QRICH1: variants seen among roughly 807,000 people sequenced by gnomAD.
QRICH1 encodes the protein transcriptional regulator QRICH1.
A neutral mutation model predicts 87.1 loss-of-function variants in QRICH1; 16 were observed. That is an observed-to-expected ratio of 0.18 (90% CI 0.12 to 0.28). QRICH1 has a LOEUF of 0.28. Ranked by LOEUF, QRICH1 falls within the 10% of genes least tolerant of loss-of-function variation. The pLI, the probability that QRICH1 is intolerant of heterozygous loss-of-function variation, is 1.00. For synonymous variants in QRICH1, 367 were observed against 368.4 expected, an observed-to-expected ratio of 1.00 and a Z score of 0.05; for missense variants, 647 against 951.7, an observed-to-expected ratio of 0.68 and a Z score of 4.21.
intron 1 of QRICH1, among the ~76,000 whole-genome samples, chr3:49,084,868 G>T (rs887408801): frequency 1.3e-5 from 2 of 152,216 alleles, no homozygotes; most frequent in Non-Finnish European, 2.9e-5. Flanking sequence ...TCCACAAGTG[G>T]TATTAATCTA....
intron 2 of QRICH1, among the ~76,000 whole-genome samples, chr3:49,061,034 A>G (rs2093431607): frequency 6.8e-6 from 1 of 148,112 alleles, no homozygotes; most frequent in African/African-American, 2.5e-5. Flanking sequence ...ATTACCTGAG[A>G]GGCTGAGGCA....
intron 9 of QRICH1, among the ~76,000 whole-genome samples, chr3:49,030,989 C>T (rs988634226): frequency 2.7e-5 from 4 of 147,180 alleles, no homozygotes; most frequent in Admixed American, 6.7e-5. Flanking sequence ...CAAGTCTTTG[C>T]GCTTTTTTTT....
chr3:49,069,586 GATCCTTCC>G (rs2093489381), intron 2 of QRICH1, among the ~76,000 whole-genome samples: 1 of 134,360 alleles, frequency 7.4e-6, no homozygotes, highest in East Asian at 2.3e-4. Flanking sequence ...ATTCTCAAGC[GATCCTTCC>G]ACCTCAGCCT....
At chr3:49,084,187 C>A (rs1247806364) in intron 1 of QRICH1, among the ~76,000 whole-genome samples, 1 of 152,108 alleles carries the variant, frequency 6.6e-6, no homozygotes, top group Non-Finnish European at 1.5e-5. Context: ...CTCAGGTAAT[C>A]CACTCGCTTC....
At chr3:49,082,914 A>G (rs2042091055) in intron 1 of QRICH1, among the ~76,000 whole-genome samples, 1 of 149,888 alleles carries the variant, frequency 6.7e-6, no homozygotes, top group African/African-American at 2.5e-5. Flanking sequence ...AAAAAAGAAA[A>G]AAAGGCCAGG....
At chr3:49,069,225 C>T (rs2093486879) in intron 2 of QRICH1, among the ~76,000 whole-genome samples, 1 of 151,218 alleles carries the variant, frequency 6.6e-6, no homozygotes, top group Non-Finnish European at 1.5e-5. Context: ...GCCTCAGCCT[C>T]CCGAGTAGCT....
chr3:49,093,044 G>A (rs1433794628), intron 1 of QRICH1, among the ~76,000 whole-genome samples: 2 of 152,184 alleles, frequency 1.3e-5, no homozygotes, highest in Non-Finnish European at 2.9e-5. Flanking sequence ...AGCGCACAGA[G>A]GTGACGTGTA....
At chr3:49,068,100 T>C (rs1438958057) in intron 2 of QRICH1, among the ~76,000 whole-genome samples, 1 of 152,216 alleles carries the variant, frequency 6.6e-6, no homozygotes, top group African/African-American at 2.4e-5. Context: ...TGCTCATGCC[T>C]GTAATCCTAA....
chr3:49,034,162 A>G (rs1417711099), intron 6 of QRICH1, among the ~76,000 whole-genome samples: 4 of 151,478 alleles, frequency 2.6e-5, no homozygotes, highest in Admixed American at 2.0e-4. Flanking sequence ...AAAAAGGAAG[A>G]CCAGGCATGG....
At chr3:49,074,649 T>G (rs1338919201) in intron 2 of QRICH1, among the ~76,000 whole-genome samples, 1 of 151,600 alleles carries the variant, frequency 6.6e-6, no homozygotes, top group African/African-American at 2.4e-5. Flanking sequence ...CCAAAAGATC[T>G]CTAATTTCAA....
intron 9 of QRICH1, 45 bp from the exon 10 acceptor site, chr3:49,030,689 C>T: frequency 2.1e-6 from 3 of 1,456,510 alleles, no homozygotes; most frequent in Non-Finnish European, 2.8e-6. Flanking sequence ...AATATAACTT[C>T]AACCCTCCCA....
rs531085975 is a variant in QRICH1, at chr3:49,057,650, C to G, written c.550G>C (p.Glu184Gln). The G allele has an allele frequency of 6.2e-7, 1 of 1,614,232 alleles. No homozygotes were observed. The highest frequency in any genetic ancestry group is 1.1e-5 in the South Asian group (1 of 91,090). ...VQAAQQIQAA[E>Q]IPEEHIPHQQ... is the part of the protein sequence containing the mutation. Reference sequence around the variant, plus strand: ...TGTGGGATGTGCTCCTCCGGGATTTCTGCAGCCTGGATCTGCTGGGCTGCT... The same window carrying G: ...TGTGGGATGTGCTCCTCCGGGATTTGTGCAGCCTGGATCTGCTGGGCTGCT... The change falls in exon 3 of 10, where the codon GAA becomes CAA. Residue 184 changes from glutamate to glutamine, a missense_variant. Physicochemically the swap from Glu to Gln is conservative, Grantham distance 29. This residue lies in a region of QRICH1 where 156 missense variants were observed against 164.5 expected (regional missense o/e 0.95). Transcript: ENST00000395443. The surrounding 1 kb of genome is among the most constrained non-coding windows in gnomAD (Gnocchi z 5.4).
At chr3:49,068,466 T>TAA (rs879822428) in intron 2 of QRICH1, among the ~76,000 whole-genome samples, 2,029 of 139,524 alleles carry the variant, frequency 0.015, 35 homozygotes, top group African/African-American at 0.042. Flanking sequence ...TCAAAAAAAT[T>TAA]AAAAAAAAAA....
Position 49,057,395 on chromosome 3 carries a change from G to T in QRICH1, c.805C>A (p.Leu269Met). 2 of 1,614,184 alleles carry T rather than the reference G, an allele frequency of 1.2e-6. No homozygotes were observed. Among genetic ancestry groups the T allele is most frequent in the Non-Finnish European group, 1.7e-6 (2 of 1,180,038 alleles). ...AISGQPVATV[L>M]AIPQGQQQSY... is the part of the protein sequence containing the mutation. ...TGCTGCTGGCCCTGTGGAATGGCCA[G>T]CACGGTGGCCACCGGCTGCCCTGAG... Residue 269 changes from leucine to methionine, a missense_variant, in exon 3 of 10, where the codon CTG (leucine) becomes ATG (methionine). Around this residue, in one of 7 missense-constraint regions of QRICH1, gnomAD observed 75 missense variants for 141.0 expected, o/e 0.53. Transcript: ENST00000395443. This position sits in a 1 kb window ranked among gnomAD's most constrained non-coding sequence, Gnocchi z 5.4.
chr3:49,042,754 G>C (rs948329650), intron 6 of QRICH1, among the ~76,000 whole-genome samples: 1 of 151,898 alleles, frequency 6.6e-6, no homozygotes, highest in Non-Finnish European at 1.5e-5. Flanking sequence ...TGTATTTTTA[G>C]TAGAGATGGG....
At position 49,030,219 on chromosome 3, in the gene QRICH1, TATG is replaced by T; in HGVS notation, c.*230_*232del. 4 of 551,784 alleles carry T rather than the reference TATG, an allele frequency of 7.2e-6. No individual in the cohort carries two copies. Among genetic ancestry groups the T allele is most frequent in the Non-Finnish European group, 1.3e-5 (4 of 316,138 alleles). The allele number at this position is 551,784 out of a possible 1,614,324, so 34.2% of individuals were successfully genotyped here. Reference sequence around the variant, plus strand: ...AGTCAGCCAGCAACTTTCTAGGACATATGACACTCAAGGAAACCCAGAGCCACC... The same window carrying T: ...AGTCAGCCAGCAACTTTCTAGGACATACACTCAAGGAAACCCAGAGCCACC... On this transcript the variant is annotated 3_prime_UTR_variant, in exon 10 of 10. Coordinates refer to ENST00000395443, the MANE Select transcript of QRICH1 (RefSeq NM_198880.3).
chr3:49,094,228 T>C, upstream of QRICH1: 1 of 385,008 alleles, frequency 2.6e-6, no homozygotes, highest in Non-Finnish European at 4.6e-6. Flanking sequence ...ATGGAGCGGC[T>C]CGCTCCGCCC....
At chr3:49,083,827 G>C (rs2042118583) in intron 1 of QRICH1, among the ~76,000 whole-genome samples, 1 of 151,542 alleles carries the variant, frequency 6.6e-6, no homozygotes, top group Non-Finnish European at 1.5e-5. Flanking sequence ...TACTTGGGAG[G>C]CTGAGGCAGG....
At chr3:49,061,571 G>A (rs781676499) in intron 2 of QRICH1, among the ~76,000 whole-genome samples, 1 of 152,204 alleles carries the variant, frequency 6.6e-6, no homozygotes, top group Admixed American at 6.5e-5. Context: ...CAGAAAATGA[G>A]GCCAGGCACA....
Sources: gnomAD v4.1 joint callset for allele counts (sites outside exome capture counted in the v4.1 genomes callset) on GRCh38, gnomAD v4.1.1 for gene constraint, gnomAD v4.1.1 regional missense constraint, Gnocchi (gnomAD v3.1) non-coding constraint, MANE v1.5 for transcripts, NCBI Gene and HGNC (gene_info 2026-07-23, HGNC 2026-07-21) for gene names.